Variants in A2M observed in about 807,000 individuals in gnomAD.
The protein encoded by A2M is C3 and PZP-like alpha-2-macroglobulin domain-containing protein 5.
In A2M, 128 loss-of-function variants were observed where a neutral mutation model predicts 183.9. That is an observed-to-expected ratio of 0.70 (90% CI 0.60 to 0.81). The LOEUF is 0.81. Among genes scored for constraint, A2M ranks in the 30% least tolerant of loss-of-function variants. A2M has a pLI of 0.00. For synonymous variants in A2M, 592 were observed against 670.8 expected, an observed-to-expected ratio of 0.88 and a Z score of 1.81; for missense variants, 1,495 against 1,787.6, an observed-to-expected ratio of 0.84 and a Z score of 2.95.
chr12:9,090,750 C>A (rs947367925), intron 19 of A2M, among the ~76,000 whole-genome samples: 8 of 152,290 alleles, frequency 5.3e-5, no homozygotes, highest in Admixed American at 1.3e-4. Flanking sequence ...TGCTGCTCTA[C>A]CTCTTTGGTC....
In A2M at chr12:9,070,590, G is replaced by A. The variant is rs1565576017; in HGVS notation, c.4104-12C>T. 1 of 1,593,718 alleles carries A rather than the reference G, an allele frequency of 6.3e-7. No individual in the cohort carries two copies. Among genetic ancestry groups the A allele is most frequent in the African/African-American group, 1.3e-5 (1 of 74,546 alleles). ...GGCTCCCTGTGTAACTGAGGATCCA[G>A]GGGAGGAAAGGATTAGGGTTTTCTG... On this transcript the variant is annotated splice_polypyrimidine_tract_variant and intron_variant, in intron 31 of 35. Coordinates refer to ENST00000318602, the MANE Select transcript of A2M (RefSeq NM_000014.6).
At chr12:9,069,699 G>T (rs769935147) in intron 33 of A2M, 46 bp downstream of exon 33, 2 of 1,481,404 alleles carry the variant, frequency 1.4e-6, no homozygotes, top group African/African-American at 2.8e-5. Context: ...TCCCTTAGAG[G>T]ATTATTATCT....
At position 9,090,466 on chromosome 12, in the gene A2M, T is replaced by A; in HGVS notation, c.2486A>T (p.Glu829Val). The A allele has an allele frequency of 1.2e-6, 2 of 1,613,940 alleles. No homozygotes were observed. Among genetic ancestry groups the A allele is most frequent in the Non-Finnish European group, 1.7e-6 (2 of 1,179,852 alleles). Reference sequence around the variant, plus strand: ...GACAGCTAGGAAGGCGGGAGAGGCTTCCAGCTGCACACTGACCTGAAACCA... The same window carrying A: ...GACAGCTAGGAAGGCGGGAGAGGCTACCAGCTGCACACTGACCTGAAACCA... ...PKCIRVSVQL[E>V]ASPAFLAVPV... Residue 829 changes from glutamate (E) to valine (V), a missense_variant, in exon 20 of 36, where the codon GAA (glutamate) becomes GTA (valine). Glu to Val is a moderately radical substitution (Grantham distance 121). Transcript: ENST00000318602.
rs1472960715 is a variant in A2M at position 9,073,688 on chromosome 12, A to C, written c.3757-817T>G. On this transcript the variant is annotated intron_variant, in intron 29 of 35. Transcript: ENST00000318602. ...GAAGATAAAACTTTCTGCTGTGTACATATCAATGAATTGTTCAGATACATG... is the reference window on the plus strand; with the variant it reads ...GAAGATAAAACTTTCTGCTGTGTACCTATCAATGAATTGTTCAGATACATG... Among the ~76,000 whole-genome samples, 6 of 152,236 alleles carry C rather than the reference A, an allele frequency of 3.9e-5. No homozygotes were observed. In the East Asian group the frequency reaches 1.2e-3, roughly 29 times the overall value.
At position 9,106,606 on chromosome 12, in the gene A2M, C is replaced by T. The variant is rs1938309222; in HGVS notation, c.880-1G>A. The T allele has an allele frequency of 1.3e-6, 2 of 1,503,764 alleles. No homozygotes were observed. The highest frequency in any genetic ancestry group is 4.7e-5 in the East Asian group (2 of 42,710). 93.2% of individuals were successfully genotyped at this position (1,503,764 alleles called of 1,614,324 possible). A position where few individuals can be genotyped will look rare whatever the true frequency, so the allele number is the denominator to read the frequency against. On this transcript the variant is annotated splice_acceptor_variant, in intron 8 of 35. Coordinates refer to ENST00000318602, the MANE Select transcript of A2M (RefSeq NM_000014.6). LOFTEE classifies it high-confidence loss of function. ...GATAGAAGCAGCCATGGCTGTTTAG[C>T]TAAGAAGGGAGAAAATAAAATACAA...
chr12:9,091,435 G>A lies in A2M; in HGVS notation c.2241-6C>T, dbSNP rs1452213659. On this transcript the variant is annotated splice_polypyrimidine_tract_variant and splice_region_variant and intron_variant, in intron 18 of 35. Coordinates refer to ENST00000318602, the MANE Select transcript of A2M (RefSeq NM_000014.6). ...CCTCAGCCACACCTGCTGAGCTGGA[G>A]AGGAGTGTAAGTGAAGAACAGAAAG... 6.2e-7 allele frequency: 1 copy of A among 1,613,908 alleles called. No homozygotes were observed. The highest frequency in any genetic ancestry group is 8.5e-7 in the Non-Finnish European group (1 of 1,179,918).
At chr12:9,100,880 A>G (rs1358377136) in intron 13 of A2M, among the ~76,000 whole-genome samples, 1 of 151,982 alleles carries the variant, frequency 6.6e-6, no homozygotes, top group African/African-American at 2.4e-5. Context: ...GAATGATACA[A>G]TGGACTTTGT....
intron 25 of A2M, among the ~76,000 whole-genome samples, chr12:9,078,158 A>G (rs779710908): frequency 6.6e-6 from 1 of 152,200 alleles, no homozygotes; most frequent in African/African-American, 2.4e-5. Flanking sequence ...GGTTTCTTGC[A>G]CCTATTGACC....
chr12:9,108,993 G>A (rs1369791761), intron 7 of A2M, among the ~76,000 whole-genome samples: 1 of 151,820 alleles, frequency 6.6e-6, no homozygotes, highest in Non-Finnish European at 1.5e-5. Context: ...TTTTGGTTAA[G>A]GCAGAACCAA....
chr12:9,107,021 G>A (rs1938345536), intron 8 of A2M, among the ~76,000 whole-genome samples: 1 of 152,198 alleles, frequency 6.6e-6, no homozygotes, highest in Non-Finnish European at 1.5e-5. Context: ...AATAGTTCAA[G>A]TCCTGTCCAC....
At chr12:9,086,105 A>G (rs1949044827) in intron 22 of A2M, among the ~76,000 whole-genome samples, 1 of 152,210 alleles carries the variant, frequency 6.6e-6, no homozygotes, top group Non-Finnish European at 1.5e-5. Flanking sequence ...AACTCTGCCA[A>G]AAGCTGGAAG....
intron 28 of A2M, 89 bp from the exon 29 acceptor site, chr12:9,074,872 A>G: frequency 7.7e-7 from 1 of 1,290,858 alleles, no homozygotes. Flanking sequence ...TGAAATGAGA[A>G]TTGCATGCCC....
At position 9,074,630 on chromosome 12, in the gene A2M, G is replaced by A; in HGVS notation, c.3686C>T (p.Thr1229Ile). ...AQPAPTSEDL[T>I]SATNIVKWIT... ...CCACTTCACGATGTTGGTTGCAGAG[G>A]TCAGGTCCTCCGAGGTTGGGGCTGG... is the stretch of plus-strand genomic sequence containing the variant. The change falls in exon 29 of 36, where the codon ACC (threonine) becomes ATC (isoleucine). Residue 1229 changes from threonine (T) to isoleucine (I), a missense_variant. Thr to Ile is a moderately conservative substitution (Grantham distance 89). Coordinates refer to ENST00000318602, the MANE Select transcript of A2M (RefSeq NM_000014.6). 1.2e-6 allele frequency: 2 copies of A among 1,613,916 alleles called. No individual in the cohort carries two copies. Among genetic ancestry groups the A allele is most frequent in the Non-Finnish European group, 1.7e-6 (2 of 1,179,950 alleles).
chr12:9,072,629 T>G, intron 30 of A2M, 24 bp downstream of exon 30: 1 of 1,612,300 alleles, frequency 6.2e-7, no homozygotes, highest in Non-Finnish European at 8.5e-7. Flanking sequence ...ATCTGTCCTG[T>G]CCTCACCTGC....
Position 9,072,790 on chromosome 12 carries a change from T to C in A2M, c.3838A>G (p.Ile1280Val), listed in dbSNP as rs890471052. The C allele has an allele frequency of 6.2e-7, 1 of 1,614,210 alleles. No individual in the cohort carries two copies. The stretch of plus-strand genomic sequence containing the variant: ...CTGGAAAATGTCCCTGAAGACTGGA[T>C]AGTCACCTGTGCAGCCTTCCCAGTC... The part of the protein sequence containing the change: ...TRTGKAAQVT[I>V]QSSGTFSSKF... The change falls in exon 30 of 36, where the codon ATC becomes GTC. Residue 1280 changes from isoleucine to valine, a missense_variant. Transcript: ENST00000318602.
chr12:9,079,134 C>A, intron 25 of A2M, 110 bp downstream of exon 25: 3 of 794,324 alleles, frequency 3.8e-6, no homozygotes, highest in Admixed American at 2.7e-5. Flanking sequence ...TATAACAAAC[C>A]ATCGGTCTGA....
intron 18 of A2M, 51 bp from the exon 19 acceptor site, chr12:9,091,480 T>TC: frequency 6.3e-7 from 1 of 1,581,160 alleles, no homozygotes; most frequent in South Asian, 1.1e-5. Context: ...AAATACATCC[T>TC]TTCTAGGGAG....
At position 9,113,452 on chromosome 12, in the gene A2M, C is replaced by G; in HGVS notation, c.178G>C (p.Val60Leu). The G allele has an allele frequency of 1.9e-6, 3 of 1,613,938 alleles. No homozygotes were observed. The highest frequency in any genetic ancestry group is 1.7e-5 in the Admixed American group (1 of 59,996). ...LLSYLNETVT[V>L]SASLESVRGN... ...CTGACAGACTCCAAGGAAGCACTTA[C>G]AGTCACTGTCTCATTCAGGTAGCTC... The change falls in exon 2 of 36, where the codon GTA becomes CTA. Residue 60 changes from valine to leucine, a missense_variant. Val to Leu is a conservative substitution (Grantham distance 32). Coordinates refer to ENST00000318602, the MANE Select transcript of A2M (RefSeq NM_000014.6).
At chr12:9,116,058 T>G (rs1939097058), upstream of A2M, 27 of 573,896 alleles carry the variant, frequency 4.7e-5, no homozygotes, top group South Asian at 4.7e-4. Flanking sequence ...ATAGTCAAGG[T>G]TAATTCCTGG....
Sources: gnomAD v4.1 joint callset for allele counts (sites outside exome capture counted in the v4.1 genomes callset) on GRCh38, gnomAD v4.1.1 for gene constraint, MANE v1.5 for transcripts, NCBI Gene and HGNC (gene_info 2026-07-23, HGNC 2026-07-21) for gene names.